The following GPC5 variants were observed in gnomAD, a reference collection of about 807,000 sequenced individuals.
The protein encoded by GPC5 is glypican-5.
GPC5 carries 47 observed loss-of-function variants against 53.9 expected under a neutral mutation model. The ratio of observed to expected loss-of-function variants is 0.87; its 90% CI spans 0.69 to 1.11. The LOEUF (loss-of-function observed/expected upper bound fraction) is 1.11, where lower values mean the gene tolerates loss of function less well. GPC5 is among the 50% of genes most tolerant of loss of function. GPC5 has a pLI of 0.00. For missense variants in GPC5, 748 were observed against 713.1 expected (o/e 1.05, Z -0.56); for synonymous variants, 286 against 263.3 (o/e 1.09, Z -0.84).
intron 6 of GPC5, among the ~76,000 whole-genome samples, chr13:92,100,240 T>A (rs2041454861): frequency 6.6e-6 from 1 of 152,038 alleles, no homozygotes; most frequent in South Asian, 2.1e-4. Flanking sequence ...CTGTCTCTCC[T>A]AAAAATACAA....
At chr13:91,945,061 A>G (rs956107591) in intron 6 of GPC5, among the ~76,000 whole-genome samples, 2 of 152,258 alleles carry the variant, frequency 1.3e-5, no homozygotes, top group African/African-American at 4.8e-5. Context: ...AAAAACATAT[A>G]TAAGCATATA....
chr13:92,826,133 G>A (rs1190913702), intron 7 of GPC5, among the ~76,000 whole-genome samples: 1 of 152,074 alleles, frequency 6.6e-6, no homozygotes, highest in African/African-American at 2.4e-5. Flanking sequence ...TGAACATGAT[G>A]AGATTTCATT....
In GPC5 at chr13:92,282,408, T is replaced by C. The variant is rs573961597; in HGVS notation, c.1561+137419T>C. Among the ~76,000 whole-genome samples the C allele has an allele frequency of 2.6e-5, 4 of 152,170 alleles. No individual in the cohort carries two copies. In the South Asian group the frequency reaches 8.3e-4, roughly 32 times the overall value. ...GGAAATACGGAGAACGCCACAAAGA[T>C]ACTCCTTGAGAAGAGCAACTCCAAG... is the stretch of plus-strand genomic sequence containing the variant. On this transcript the variant is annotated intron_variant, in intron 7 of 7. Coordinates refer to ENST00000377067, the MANE Select transcript of GPC5 (RefSeq NM_004466.6).
At chr13:91,756,556 C>CA (rs2037297466) in intron 5 of GPC5, 136 bp downstream of exon 5, 2 of 704,068 alleles carry the variant, frequency 2.8e-6, no homozygotes, top group Admixed American at 6.2e-5. Context: ...TTTAGTTTGT[C>CA]AAAAAACAAG....
At chr13:92,381,597 C>G (rs894016090) in intron 7 of GPC5, among the ~76,000 whole-genome samples, 1 of 151,228 alleles carries the variant, frequency 6.6e-6, no homozygotes. Flanking sequence ...CGTGGAGATT[C>G]CTTAAAGAAC....
At chr13:91,889,506 A>G (rs567934528) in intron 5 of GPC5, among the ~76,000 whole-genome samples, 87 of 152,126 alleles carry the variant, frequency 5.7e-4, no homozygotes, top group African/African-American at 1.8e-3. Flanking sequence ...ACTCCATTAC[A>G]AAGTATCATC....
chr13:92,434,739 A>G (rs1271508818), intron 7 of GPC5, among the ~76,000 whole-genome samples: 1 of 152,178 alleles, frequency 6.6e-6, no homozygotes, highest in Non-Finnish European at 1.5e-5. Flanking sequence ...TGATAAAACT[A>G]TCTCCCAGAG....
chr13:91,522,690 G>A (rs1223794417), intron 2 of GPC5, among the ~76,000 whole-genome samples: 3 of 152,026 alleles, frequency 2.0e-5, no homozygotes, highest in Admixed American at 1.3e-4. Flanking sequence ...ACAGGCTCCC[G>A]TGTGTGATGT....
chr13:92,292,090 G>A (rs2043000772), intron 7 of GPC5, among the ~76,000 whole-genome samples: 1 of 152,194 alleles, frequency 6.6e-6, no homozygotes, highest in African/African-American at 2.4e-5. Context: ...GTTGATTGAT[G>A]GGCATTTGGG....
intron 7 of GPC5, among the ~76,000 whole-genome samples, chr13:92,568,547 A>G (rs1396355968): frequency 6.6e-6 from 1 of 152,184 alleles, no homozygotes; most frequent in East Asian, 1.9e-4. Context: ...TTAGGTTTCT[A>G]AGTTTCACAA....
intron 7 of GPC5, among the ~76,000 whole-genome samples, chr13:92,534,018 G>T (rs1233595271): frequency 6.6e-6 from 1 of 152,100 alleles, no homozygotes; most frequent in Non-Finnish European, 1.5e-5. Context: ...CTGATGAGGT[G>T]GCTCATGCCT....
chr13:91,676,706 A>T (rs1235294581), intron 2 of GPC5, among the ~76,000 whole-genome samples: 1 of 152,198 alleles, frequency 6.6e-6, no homozygotes, highest in African/African-American at 2.4e-5. Flanking sequence ...CAGGAAGACT[A>T]AAGATCTTAA....
chr13:91,940,208 A>G (rs2039912350), intron 6 of GPC5, among the ~76,000 whole-genome samples: 1 of 152,030 alleles, frequency 6.6e-6, no homozygotes, highest in Admixed American at 6.6e-5. Context: ...GTGAGTACCA[A>G]TGTTTAGCTC....
At chr13:92,226,316 T>G (rs1302021055) in intron 7 of GPC5, among the ~76,000 whole-genome samples, 1 of 152,212 alleles carries the variant, frequency 6.6e-6, no homozygotes, top group Non-Finnish European at 1.5e-5. Flanking sequence ...GACAGAATTG[T>G]CAAGGGAGTA....
At chr13:91,816,367 A>T (rs1275389226) in intron 5 of GPC5, among the ~76,000 whole-genome samples, 1 of 152,114 alleles carries the variant, frequency 6.6e-6, no homozygotes, top group Non-Finnish European at 1.5e-5. Context: ...TTTCAAGGAG[A>T]TGGTACTTCA....
At chr13:91,777,871 T>C (rs900806240) in intron 5 of GPC5, among the ~76,000 whole-genome samples, 1 of 152,200 alleles carries the variant, frequency 6.6e-6, no homozygotes, top group African/African-American at 2.4e-5. Context: ...TTCCTCTTCA[T>C]AGTGACATCT....
At chr13:92,173,834 G>T (rs991533419) in intron 7 of GPC5, among the ~76,000 whole-genome samples, 1 of 152,158 alleles carries the variant, frequency 6.6e-6, no homozygotes, top group Non-Finnish European at 1.5e-5. Flanking sequence ...GGCCAGGCTT[G>T]GTAGCACACA....
intron 7 of GPC5, among the ~76,000 whole-genome samples, chr13:92,713,738 T>C (rs1888231455): frequency 6.6e-6 from 1 of 152,122 alleles, no homozygotes; most frequent in Non-Finnish European, 1.5e-5. Context: ...TATTTCTTAT[T>C]GAGACCTATA....
chr13:92,746,967 A>G (rs572316470), intron 7 of GPC5, among the ~76,000 whole-genome samples: 31 of 152,226 alleles, frequency 2.0e-4, no homozygotes, highest in Non-Finnish European at 4.0e-4. Context: ...TATTCCTCCT[A>G]GGATGCATAC....
Sources: gnomAD v4.1 joint callset for allele counts (sites outside exome capture counted in the v4.1 genomes callset) on GRCh38, gnomAD v4.1.1 for gene constraint, MANE v1.5 for transcripts, NCBI Gene and HGNC (gene_info 2026-07-23, HGNC 2026-07-21) for gene names.